TRIM9: variants seen among roughly 807,000 people sequenced by gnomAD.
The protein encoded by TRIM9 is tripartite motif containing 9, also known as E3 ubiquitin-protein ligase TRIM9.
In TRIM9, 26 loss-of-function variants were observed where a neutral mutation model predicts 78.3. That is an observed-to-expected ratio of 0.33 (90% CI 0.24 to 0.46). The LOEUF (loss-of-function observed/expected upper bound fraction) is 0.46, where lower values mean the gene tolerates loss of function less well. Among genes scored for constraint, TRIM9 ranks in the 20% least tolerant of loss-of-function variants. The pLI, the probability that TRIM9 is intolerant of heterozygous loss-of-function variation, is 1.00. For missense variants in TRIM9, 787 were observed against 1,036.4 expected, an observed-to-expected ratio of 0.76 and a Z score of 3.30; for synonymous variants, 398 against 416.5, an observed-to-expected ratio of 0.96 and a Z score of 0.54.
chr14:51,087,312 T>C (rs1440468331), intron 1 of TRIM9, among the ~76,000 whole-genome samples: 1 of 152,154 alleles, frequency 6.6e-6, no homozygotes, highest in Non-Finnish European at 1.5e-5. Flanking sequence ...GCCAACATGC[T>C]GCACTTTAGG....
chr14:51,038,071 G>A (rs1483331575), intron 1 of TRIM9, among the ~76,000 whole-genome samples: 1 of 152,068 alleles, frequency 6.6e-6, no homozygotes, highest in Non-Finnish European at 1.5e-5. Context: ...CCCAGAACCG[G>A]TGATTTTGCA....
chr14:51,029,413 A>G (rs2058539771), intron 1 of TRIM9, among the ~76,000 whole-genome samples: 4 of 152,196 alleles, frequency 2.6e-5, no homozygotes, highest in Non-Finnish European at 4.4e-5. Flanking sequence ...CACTGGGCCC[A>G]GGAGCCAAAG....
At chr14:51,039,996 G>A (rs2059456621) in intron 1 of TRIM9, among the ~76,000 whole-genome samples, 1 of 152,060 alleles carries the variant, frequency 6.6e-6, no homozygotes. Flanking sequence ...TGTTAGCCAG[G>A]ATGGTCTCGA....
chr14:51,074,870 G>A (rs531147491), intron 1 of TRIM9, among the ~76,000 whole-genome samples: 12 of 152,338 alleles, frequency 7.9e-5, no homozygotes, highest in Admixed American at 3.9e-4. Context: ...GGTAAAATGA[G>A]GGGAATGAAA....
In TRIM9 at chr14:50,981,947, C is replaced by A. The variant is rs774867958; in HGVS notation, c.2015G>T (p.Arg672Leu). The stretch of plus-strand genomic sequence containing the variant: ...GGCAGGATCAGGGTGGTTGTCATAG[C>A]GATCTACCGTGAGCTCCCAGTAGTG... The part of the protein sequence containing the change: ...GIHYWELTVD[R>L]YDNHPDPAFG... Residue 672 changes from arginine to leucine, a missense_variant, in exon 11 of 13, where the codon CGC (arginine) becomes CTC (leucine). By Grantham distance (102) the Arg-to-Leu change is moderately radical. This residue lies in a region of TRIM9 where 421 missense variants were observed against 514.3 expected (regional missense o/e 0.82). Transcript: ENST00000684578. The A allele has an allele frequency of 6.2e-7, 1 of 1,614,144 alleles. No homozygotes were observed. Among genetic ancestry groups the A allele is most frequent in the South Asian group, 1.1e-5 (1 of 91,074 alleles).
chr14:51,025,441 T>C (rs1238905135), intron 1 of TRIM9, 81 bp from the exon 2 acceptor site: 2 of 1,237,342 alleles, frequency 1.6e-6, no homozygotes, highest in Admixed American at 3.7e-5. Flanking sequence ...AACTGAAGAG[T>C]CATCAACCTC....
At chr14:51,078,744 G>A (rs2063037467) in intron 1 of TRIM9, among the ~76,000 whole-genome samples, 1 of 152,176 alleles carries the variant, frequency 6.6e-6, no homozygotes, top group South Asian at 2.1e-4. Flanking sequence ...TTACCATGGT[G>A]GGGAGAAAAT....
chr14:51,034,282 TA>T (rs2058966512), intron 1 of TRIM9, among the ~76,000 whole-genome samples: 1 of 152,238 alleles, frequency 6.6e-6, no homozygotes, highest in Non-Finnish European at 1.5e-5. Flanking sequence ...GGACCACTTC[TA>T]AGTGCTTCAC....
intron 1 of TRIM9, among the ~76,000 whole-genome samples, chr14:51,026,487 G>T (rs552578249): frequency 3.3e-5 from 5 of 152,178 alleles, no homozygotes; most frequent in African/African-American, 1.2e-4. Flanking sequence ...AGCAGTCTGG[G>T]TATACCCTTC....
chr14:50,981,961 C>T lies in TRIM9; in HGVS notation c.2001G>A (p.Glu667=), dbSNP rs1290642274. The T allele has an allele frequency of 6.2e-7, 1 of 1,614,224 alleles. No individual in the cohort carries two copies. The highest frequency in any genetic ancestry group is 1.7e-5 in the Admixed American group (1 of 60,034). Residue 667 remains glutamate (E), a synonymous_variant, in exon 11 of 13, where the codon GAG becomes GAA. Coordinates refer to ENST00000684578, the MANE Select transcript of TRIM9 (RefSeq NM_001387360.1). ...GGTTGTCATAGCGATCTACCGTGAGCTCCCAGTAGTGGATGCCCTTGGAGA... is the reference window on the plus strand; with the variant it reads ...GGTTGTCATAGCGATCTACCGTGAGTTCCCAGTAGTGGATGCCCTTGGAGA... ...TGFSKGIHYW[E]LTVDRYDNHP... is the part of the protein sequence containing the mutation.
At chr14:51,010,325 T>G in intron 4 of TRIM9, 59 bp downstream of exon 4, 1 of 1,419,994 alleles carries the variant, frequency 7.0e-7, no homozygotes, top group South Asian at 1.2e-5. Context: ...GACTTAAGCA[T>G]CCTAGACTAT....
At chr14:51,083,706 G>T (rs1272042010) in intron 1 of TRIM9, among the ~76,000 whole-genome samples, 1 of 152,200 alleles carries the variant, frequency 6.6e-6, no homozygotes, top group Non-Finnish European at 1.5e-5. Flanking sequence ...CTGAATGTGA[G>T]GGAGTTGAGA....
At chr14:51,044,300 C>T (rs1022964622) in intron 1 of TRIM9, among the ~76,000 whole-genome samples, 1 of 152,132 alleles carries the variant, frequency 6.6e-6, no homozygotes, top group African/African-American at 2.4e-5. Flanking sequence ...CAACTGCCTT[C>T]TAAATATCCA....
chr14:51,030,835 T>C (rs1312699657), intron 1 of TRIM9, among the ~76,000 whole-genome samples: 2 of 152,012 alleles, frequency 1.3e-5, no homozygotes, highest in Non-Finnish European at 1.5e-5. Flanking sequence ...AACTGCTGCT[T>C]ATTGTTAATT....
intron 1 of TRIM9, among the ~76,000 whole-genome samples, chr14:51,075,225 T>C (rs2062659525): frequency 6.6e-6 from 1 of 152,192 alleles, no homozygotes; most frequent in Non-Finnish European, 1.5e-5. Context: ...TCCAAGTTTG[T>C]CTACCCTATT....
chr14:51,047,686 A>G (rs141460142), intron 1 of TRIM9, among the ~76,000 whole-genome samples: 8 of 152,300 alleles, frequency 5.3e-5, no homozygotes, highest in African/African-American at 1.7e-4. Context: ...AGAAACGCAT[A>G]TAACAATCTG....
At chr14:51,070,401 C>T (rs1169530970) in intron 1 of TRIM9, among the ~76,000 whole-genome samples, 6 of 152,164 alleles carry the variant, frequency 3.9e-5, no homozygotes, top group Admixed American at 2.6e-4. Context: ...TCTATTTCCC[C>T]TAGGAGCAAT....
chr14:51,094,890 T>G lies in TRIM9; in HGVS notation c.50A>C (p.Tyr17Ser). The G allele has an allele frequency of 6.6e-7, 1 of 1,509,038 alleles. No homozygotes were observed. Among genetic ancestry groups the G allele is most frequent in the Non-Finnish European group, 8.8e-7 (1 of 1,130,800 alleles). The allele number at this position is 1,509,038 out of a possible 1,614,324, so 93.5% of individuals were successfully genotyped here. The change falls in exon 1 of 13, where the codon TAT becomes TCT. Residue 17 changes from tyrosine to serine, a missense_variant. By Grantham distance (144) the Tyr-to-Ser change is moderately radical. Coordinates refer to ENST00000684578, the MANE Select transcript of TRIM9 (RefSeq NM_001387360.1). ...ELKCPVCGSF[Y>S]REPIILPCSH... The stretch of plus-strand genomic sequence containing the variant: ...GCAGGGCAGGATGATGGGCTCCCGA[T>G]AGAAGGAGCCGCACACGGGGCATTT...
chr14:51,066,087 A>G (rs8016661), intron 1 of TRIM9, among the ~76,000 whole-genome samples: 37,133 of 70,724 alleles, frequency 0.53, 7,262 homozygotes, highest in Middle Eastern at 0.62. Flanking sequence ...GAAGGAAGGA[A>G]GGAGGGAGGG....
Sources: allele counts gnomAD v4.1 joint callset (sites outside exome capture counted in the v4.1 genomes callset), GRCh38; gene constraint gnomAD v4.1.1; regional missense constraint gnomAD v4.1.1; transcripts MANE v1.5; gene names NCBI Gene and HGNC (gene_info 2026-07-23, HGNC 2026-07-21).